Variants in ADAMTSL1 observed in about 807,000 individuals in gnomAD.
ADAMTSL1 encodes ADAMTS like 1.
ADAMTSL1 carries 126 observed loss-of-function variants against 201.8 expected under a neutral mutation model. The ratio of observed to expected loss-of-function variants is 0.62; its 90% CI spans 0.54 to 0.72. The LOEUF is 0.72. Ranked by LOEUF, ADAMTSL1 falls within the 30% of genes least tolerant of loss-of-function variation. ADAMTSL1 has a pLI of 0.00. For missense variants in ADAMTSL1, 2,679 were observed against 2,277.8 expected, an observed-to-expected ratio of 1.18 and a Z score of -3.59; for synonymous variants, 1,121 against 903.4, an observed-to-expected ratio of 1.24 and a Z score of -4.32.
intron 2 of ADAMTSL1, among the ~76,000 whole-genome samples, chr9:18,374,306 T>A (rs1481419429): frequency 1.3e-5 from 2 of 151,874 alleles, no homozygotes; most frequent in Non-Finnish European, 2.9e-5. Flanking sequence ...AGATATTTTA[T>A]TTTATTTATA....
chr9:17,978,828 AG>A (rs1274404452), intron 1 of ADAMTSL1, among the ~76,000 whole-genome samples: 1 of 152,146 alleles, frequency 6.6e-6, no homozygotes, highest in South Asian at 2.1e-4. Flanking sequence ...TTCAGCTTGA[AG>A]AACCCTTTAG....
At chr9:18,766,630 G>T (rs1014649401) in intron 16 of ADAMTSL1, among the ~76,000 whole-genome samples, 5 of 152,176 alleles carry the variant, frequency 3.3e-5, no homozygotes, top group Non-Finnish European at 7.3e-5. Flanking sequence ...CAAGGTCAGG[G>T]TGCTGGCAGA....
chr9:18,157,516 T>C (rs1827208451), intron 1 of ADAMTSL1, among the ~76,000 whole-genome samples: 1 of 151,968 alleles, frequency 6.6e-6, no homozygotes, highest in African/African-American at 2.4e-5. Flanking sequence ...CCTCAAACCA[T>C]ATTATAGCTG....
intron 2 of ADAMTSL1, among the ~76,000 whole-genome samples, chr9:18,322,520 C>T (rs1354059962): frequency 1.3e-5 from 2 of 152,088 alleles, no homozygotes; most frequent in African/African-American, 4.8e-5. Context: ...AGAATCTCAG[C>T]TACCTGGGAG....
chr9:18,546,041 A>G (rs1304151841), intron 3 of ADAMTSL1, among the ~76,000 whole-genome samples: 1 of 152,200 alleles, frequency 6.6e-6, no homozygotes, highest in East Asian at 1.9e-4. Flanking sequence ...TTATTTAATT[A>G]GTTAACAAGT....
intron 2 of ADAMTSL1, among the ~76,000 whole-genome samples, chr9:18,414,628 G>T (rs1241806388): frequency 6.6e-6 from 1 of 152,136 alleles, no homozygotes; most frequent in African/African-American, 2.4e-5. Flanking sequence ...TTCAGGCTGT[G>T]GCTCAGGGAG....
At position 18,777,731 on chromosome 9, in the gene ADAMTSL1, C is replaced by A. The variant is rs779175944; in HGVS notation, c.3502C>A (p.Arg1168Ser). ...RRPHRKPTIL[R>S]KISAAQQLSA... ...GCCACACCGCAAGCCCACCATCCTG[C>A]GCAAGATCTCAGCGGCCCAGCAGCT... The change falls in exon 19 of 29, where the codon CGC becomes AGC. Residue 1168 changes from arginine (R) to serine (S), a missense_variant. Physicochemically the swap from Arg to Ser is moderately radical, Grantham distance 110 (BLOSUM62 -1). Transcript: ENST00000380548. The A allele has an allele frequency of 1.2e-6, 2 of 1,613,516 alleles. No homozygotes were observed. Among genetic ancestry groups the A allele is most frequent in the Non-Finnish European group, 1.7e-6 (2 of 1,179,724 alleles).
chr9:18,894,399 G>A (rs1829485594), intron 26 of ADAMTSL1, among the ~76,000 whole-genome samples: 1 of 132,474 alleles, frequency 7.5e-6, no homozygotes, highest in African/African-American at 3.0e-5. Context: ...TGATCAAATT[G>A]GCAAGTGAAA....
intron 6 of ADAMTSL1, 33 bp from the exon 7 acceptor site, chr9:18,639,221 C>T: frequency 6.2e-7 from 1 of 1,609,620 alleles, no homozygotes; most frequent in South Asian, 1.1e-5. Flanking sequence ...CTAGGAACAT[C>T]TTTCTCTCAT....
intron 2 of ADAMTSL1, among the ~76,000 whole-genome samples, chr9:18,397,047 A>G (rs1213851623): frequency 6.9e-6 from 1 of 145,744 alleles, no homozygotes; most frequent in African/African-American, 2.8e-5. Context: ...CGTGCTATTC[A>G]CAGTGATCCT....
chr9:18,787,292 A>G (rs935248107), intron 19 of ADAMTSL1, among the ~76,000 whole-genome samples: 2 of 152,226 alleles, frequency 1.3e-5, no homozygotes, highest in Non-Finnish European at 2.9e-5. Context: ...ACAAAAGAAA[A>G]GTATTGAGTG....
At chr9:18,587,557 CA>C (rs1325819338) in intron 4 of ADAMTSL1, among the ~76,000 whole-genome samples, 2 of 152,116 alleles carry the variant, frequency 1.3e-5, no homozygotes, top group Non-Finnish European at 2.9e-5. Context: ...TAATTTTCCC[CA>C]CTGTACTGTC....
chr9:18,860,372 G>C (rs1023096873), intron 23 of ADAMTSL1, among the ~76,000 whole-genome samples: 1 of 152,156 alleles, frequency 6.6e-6, no homozygotes, highest in Non-Finnish European at 1.5e-5. Context: ...TTATAAATAA[G>C]ATTTTAGTGG....
intron 23 of ADAMTSL1, among the ~76,000 whole-genome samples, chr9:18,863,075 G>C (rs1338740844): frequency 1.3e-5 from 2 of 152,138 alleles, no homozygotes; most frequent in African/African-American, 4.8e-5. Context: ...GTCAATCCTG[G>C]AGAAGCATGC....
intron 2 of ADAMTSL1, among the ~76,000 whole-genome samples, chr9:18,321,931 A>G (rs1437762254): frequency 1.3e-5 from 2 of 152,266 alleles, no homozygotes; most frequent in Non-Finnish European, 2.9e-5. Flanking sequence ...TTAAAATTTT[A>G]CAAGATATGT....
chr9:18,895,525 A>G (rs1395649794), intron 26 of ADAMTSL1, among the ~76,000 whole-genome samples: 1 of 150,886 alleles, frequency 6.6e-6, no homozygotes, highest in Non-Finnish European at 1.5e-5. Flanking sequence ...GACACCTGGG[A>G]AAAGAGATTA....
chr9:18,698,691 C>T (rs1348113639), intron 13 of ADAMTSL1, among the ~76,000 whole-genome samples: 3 of 152,114 alleles, frequency 2.0e-5, no homozygotes, highest in Non-Finnish European at 4.4e-5. Flanking sequence ...AGTTTGGTGT[C>T]ATGTAATTCA....
chr9:18,617,457 A>G (rs1398821062), intron 4 of ADAMTSL1, among the ~76,000 whole-genome samples: 1 of 145,602 alleles, frequency 6.9e-6, no homozygotes, highest in African/African-American at 2.6e-5. Context: ...CTCTGAGCCA[A>G]CTTGGATTGG....
chr9:18,130,492 G>A (rs1825906351), intron 1 of ADAMTSL1, among the ~76,000 whole-genome samples: 1 of 152,088 alleles, frequency 6.6e-6, no homozygotes, highest in Non-Finnish European at 1.5e-5. Flanking sequence ...ATGCCCTTTT[G>A]GGTAGAATGG....
Sources: gnomAD v4.1 joint callset for allele counts (sites outside exome capture counted in the v4.1 genomes callset) on GRCh38, gnomAD v4.1.1 for gene constraint, MANE v1.5 for transcripts, NCBI Gene and HGNC (gene_info 2026-07-23, HGNC 2026-07-21) for gene names.